Variants in RAB31 observed in about 807,000 individuals in gnomAD.
The protein encoded by RAB31 is RAB31, member RAS oncogene family.
RAB31 carries 21 observed loss-of-function variants against 25.6 expected under a neutral mutation model. The ratio of observed to expected loss-of-function variants is 0.82; its 90% CI spans 0.58 to 1.18. The LOEUF is 1.18. Among genes scored for constraint, RAB31 ranks in the 50% most tolerant of loss-of-function variants. RAB31 has a pLI of 0.00. For synonymous variants in RAB31, 87 were observed against 84.0 expected, an observed-to-expected ratio of 1.04 and a Z score of -0.20; for missense variants, 196 against 250.1, an observed-to-expected ratio of 0.78 and a Z score of 1.46.
intron 1 of RAB31, among the ~76,000 whole-genome samples, chr18:9,759,211 A>G (rs1001948806): frequency 2.6e-5 from 4 of 151,978 alleles, no homozygotes; most frequent in African/African-American, 9.7e-5. Flanking sequence ...TTGTTTTGAG[A>G]CAAGGTCTTG....
At chr18:9,745,004 A>C (rs2068198149) in intron 1 of RAB31, among the ~76,000 whole-genome samples, 1 of 152,166 alleles carries the variant, frequency 6.6e-6, no homozygotes, top group Non-Finnish European at 1.5e-5. Flanking sequence ...AATAGGGAAA[A>C]TCAGTGAAAC....
intron 5 of RAB31, among the ~76,000 whole-genome samples, chr18:9,840,401 C>T (rs542931733): frequency 1.3e-5 from 2 of 152,146 alleles, no homozygotes; most frequent in Non-Finnish European, 2.9e-5. Context: ...ACAAAAGTCA[C>T]GGGATGCCGT....
intron 1 of RAB31, among the ~76,000 whole-genome samples, chr18:9,730,207 C>T (rs1835695214): frequency 6.6e-6 from 1 of 152,022 alleles, no homozygotes. Context: ...ATTTCTTACG[C>T]AGCCCAAAAC....
At chr18:9,795,716 C>A (rs942727576) in intron 3 of RAB31, among the ~76,000 whole-genome samples, 2 of 152,028 alleles carry the variant, frequency 1.3e-5, no homozygotes, top group South Asian at 2.1e-4. Context: ...CGACTATAAT[C>A]AAAAAATCAA....
At chr18:9,825,342 T>G (rs1350248100) in intron 5 of RAB31, among the ~76,000 whole-genome samples, 1 of 152,190 alleles carries the variant, frequency 6.6e-6, no homozygotes, top group Non-Finnish European at 1.5e-5. Context: ...GAAAGCTTTG[T>G]CTCAGAAAGT....
chr18:9,790,019 A>G (rs2145499168), intron 2 of RAB31, among the ~76,000 whole-genome samples: 1 of 152,262 alleles, frequency 6.6e-6, no homozygotes, highest in South Asian at 2.1e-4. Context: ...AAATATTACT[A>G]TGATGAATGC....
chr18:9,781,539 C>G (rs1191063258), intron 2 of RAB31, among the ~76,000 whole-genome samples: 1 of 152,224 alleles, frequency 6.6e-6, no homozygotes, highest in African/African-American at 2.4e-5. Context: ...TCTCGAGCTC[C>G]TTACCTCAGC....
chr18:9,793,433 C>T (rs1056000793), intron 3 of RAB31, among the ~76,000 whole-genome samples: 5 of 152,126 alleles, frequency 3.3e-5, no homozygotes, highest in Admixed American at 6.5e-5. Context: ...GAGGCCGAGG[C>T]GGGCGGATCA....
At chr18:9,805,684 C>T (rs1343065001) in intron 3 of RAB31, among the ~76,000 whole-genome samples, 1 of 152,232 alleles carries the variant, frequency 6.6e-6, no homozygotes, top group Non-Finnish European at 1.5e-5. Context: ...CTCTGCTGCT[C>T]AGAACAGTGC....
intron 1 of RAB31, among the ~76,000 whole-genome samples, chr18:9,730,403 C>G (rs773509224): frequency 3.6e-4 from 54 of 151,862 alleles, no homozygotes; most frequent in Admixed American, 1.3e-3. Context: ...TCTCCCGTCT[C>G]AGCCTCCCAA....
chr18:9,753,231 A>AG (rs2068244232), intron 1 of RAB31, among the ~76,000 whole-genome samples: 1 of 152,216 alleles, frequency 6.6e-6, no homozygotes, highest in Non-Finnish European at 1.5e-5. Context: ...CTTAATTCCC[A>AG]GTATATTGAG....
chr18:9,750,346 C>T (rs530522394), intron 1 of RAB31, among the ~76,000 whole-genome samples: 3 of 152,342 alleles, frequency 2.0e-5, no homozygotes, highest in African/African-American at 7.2e-5. Context: ...CCGGTTGACC[C>T]TGGCGTTCTT....
chr18:9,846,150 G>A (rs1301432264), intron 6 of RAB31, among the ~76,000 whole-genome samples: 1 of 152,118 alleles, frequency 6.6e-6, no homozygotes. Context: ...CTGAAATTGG[G>A]AATTGGATAC....
At chr18:9,789,987 T>A (rs1222242487) in intron 2 of RAB31, among the ~76,000 whole-genome samples, 1 of 152,132 alleles carries the variant, frequency 6.6e-6, no homozygotes, top group Non-Finnish European at 1.5e-5. Flanking sequence ...CCTCTTATTC[T>A]TAGAAGATTT....
chr18:9,733,493 AG>A (rs1276771093), intron 1 of RAB31, among the ~76,000 whole-genome samples: 1 of 152,122 alleles, frequency 6.6e-6, no homozygotes, highest in Non-Finnish European at 1.5e-5. Context: ...CCCACCCTTC[AG>A]TGTCCACAGG....
At chr18:9,843,030 G>C (rs1599063656) in intron 5 of RAB31, among the ~76,000 whole-genome samples, 2 of 152,336 alleles carry the variant, frequency 1.3e-5, no homozygotes, top group East Asian at 3.9e-4. Flanking sequence ...TAAGCCTAGT[G>C]AACCTGTGCC....
chr18:9,779,599 A>G (rs1351621108), intron 2 of RAB31, among the ~76,000 whole-genome samples: 1 of 152,242 alleles, frequency 6.6e-6, no homozygotes, highest in East Asian at 1.9e-4. Context: ...AGGGTATAAT[A>G]CAAGTATGCC....
intron 5 of RAB31, among the ~76,000 whole-genome samples, chr18:9,843,864 T>C (rs2068747122): frequency 1.3e-5 from 2 of 152,186 alleles, no homozygotes; most frequent in Non-Finnish European, 2.9e-5. Context: ...CAGCTAGGAC[T>C]GAAGGGTCTT....
intron 1 of RAB31, among the ~76,000 whole-genome samples, chr18:9,740,761 T>A (rs1220939497): frequency 6.6e-6 from 1 of 152,072 alleles, no homozygotes; most frequent in African/African-American, 2.4e-5. Flanking sequence ...AAGCAGATCA[T>A]ACTGTGCTCA....
Sources: gnomAD v4.1 joint callset for allele counts (sites outside exome capture counted in the v4.1 genomes callset) on GRCh38, gnomAD v4.1.1 for gene constraint, MANE v1.5 for transcripts, NCBI Gene and HGNC (gene_info 2026-07-23, HGNC 2026-07-21) for gene names.